ANKRD31: variants seen among roughly 807,000 people sequenced by gnomAD.
ANKRD31 encodes ankyrin repeat domain-containing protein 31.
A neutral mutation model predicts 186.0 loss-of-function variants in ANKRD31; 147 were observed. That is an observed-to-expected ratio of 0.79 (90% CI 0.69 to 0.91). The LOEUF (loss-of-function observed/expected upper bound fraction) is 0.91, where lower values mean the gene tolerates loss of function less well. ANKRD31 is among the 40% of genes least tolerant of loss of function. The pLI, the probability that ANKRD31 is intolerant of heterozygous loss-of-function variation, is 0.00. For missense variants in ANKRD31, 1,986 were observed against 2,148.8 expected, an observed-to-expected ratio of 0.92 and a Z score of 1.50; for synonymous variants, 673 against 736.4, an observed-to-expected ratio of 0.91 and a Z score of 1.39.
intron 25 of ANKRD31, among the ~76,000 whole-genome samples, chr5:75,077,493 C>T (rs1744739167): frequency 6.6e-6 from 1 of 151,702 alleles, no homozygotes; most frequent in Non-Finnish European, 1.5e-5. Flanking sequence ...TAAGCCCTCA[C>T]TCTTTGGGGG....
chr5:75,195,996 CA>C lies in ANKRD31; in HGVS notation c.651del (p.Glu218LysfsTer7). 3 of 1,531,904 alleles carry C rather than the reference CA, an allele frequency of 2.0e-6. No individual in the cohort carries two copies. Among genetic ancestry groups the C allele is most frequent in the Non-Finnish European group, 2.6e-6 (3 of 1,144,914 alleles). The allele number at this position is 1,531,904 out of a possible 1,614,324, so 94.9% of individuals were successfully genotyped here. On this transcript the variant is annotated frameshift_variant, in exon 7 of 26. Coordinates refer to ENST00000506364, the MANE Select transcript of ANKRD31 (RefSeq NM_001372053.1). LOFTEE classifies it high-confidence loss of function. ...CTTTCTAAGGCAGACACAAAGGTTT[CA>C]AGAGAGCTTTCTTCATCCTTAGTTT... ...SEETKDEESS[L>X]ETFVSALESL...
At chr5:75,140,224 A>T (rs1750910723) in intron 15 of ANKRD31, among the ~76,000 whole-genome samples, 1 of 112,698 alleles carries the variant, frequency 8.9e-6, no homozygotes. Context: ...AAAGAAAAGA[A>T]AAGAAAGAAA....
chr5:75,072,247 C>T (rs1744294065), intron 25 of ANKRD31, among the ~76,000 whole-genome samples: 2 of 152,122 alleles, frequency 1.3e-5, no homozygotes, highest in African/African-American at 4.8e-5. Flanking sequence ...GACTTCTTTG[C>T]AGCTAGGTGT....
At chr5:75,219,518 A>G (rs1279893057) in intron 3 of ANKRD31, among the ~76,000 whole-genome samples, 2 of 152,224 alleles carry the variant, frequency 1.3e-5, no homozygotes, top group Non-Finnish European at 2.9e-5. Context: ...ATCATAGGTG[A>G]CACAAATAGA....
chr5:75,235,785 TTC>T (rs776026227), intron 1 of ANKRD31, among the ~76,000 whole-genome samples: 2 of 152,206 alleles, frequency 1.3e-5, no homozygotes, highest in African/African-American at 4.8e-5. Context: ...TCCCCCTTTT[TTC>T]TCTCTTTTCT....
intron 20 of ANKRD31, 103 bp downstream of exon 20, chr5:75,112,410 C>A: frequency 1.5e-6 from 1 of 682,828 alleles, no homozygotes. Context: ...AAAAATAGAA[C>A]ACCACTTTTT....
chr5:75,175,801 C>T (rs565661089), intron 10 of ANKRD31, among the ~76,000 whole-genome samples: 41 of 152,172 alleles, frequency 2.7e-4, no homozygotes, highest in Admixed American at 9.2e-4. Flanking sequence ...CAGCTCCCAG[C>T]GTGAGCGATG....
intron 3 of ANKRD31, among the ~76,000 whole-genome samples, chr5:75,215,230 C>A (rs1299912666): frequency 2.0e-5 from 3 of 152,164 alleles, no homozygotes; most frequent in Admixed American, 6.5e-5. Flanking sequence ...TTCAGGTCTT[C>A]AACTGATTAG....
chr5:75,098,103 C>T (rs1394597305), intron 22 of ANKRD31, among the ~76,000 whole-genome samples: 1 of 152,082 alleles, frequency 6.6e-6, no homozygotes, highest in Admixed American at 6.5e-5. Flanking sequence ...CGGCTCACTG[C>T]AAGCTCTGCC....
chr5:75,215,556 C>T (rs1285950190), intron 3 of ANKRD31, among the ~76,000 whole-genome samples: 1 of 151,940 alleles, frequency 6.6e-6, no homozygotes, highest in African/African-American at 2.4e-5. Context: ...TTTTATAAGA[C>T]CCAACAAAAA....
At chr5:75,107,282 G>A (rs1391422712) in intron 21 of ANKRD31, among the ~76,000 whole-genome samples, 1 of 151,964 alleles carries the variant, frequency 6.6e-6, no homozygotes, top group Admixed American at 6.5e-5. Context: ...CTCCACTGTA[G>A]ACAACTTTTT....
intron 25 of ANKRD31, among the ~76,000 whole-genome samples, chr5:75,078,906 A>T (rs369306557): frequency 6.6e-6 from 1 of 152,202 alleles, no homozygotes; most frequent in Non-Finnish European, 1.5e-5. Context: ...TTCAAGGGAA[A>T]ATGCCCCATA....
intron 17 of ANKRD31, among the ~76,000 whole-genome samples, chr5:75,124,955 C>A (rs1266706309): frequency 1.3e-5 from 2 of 152,102 alleles, no homozygotes; most frequent in Non-Finnish European, 1.5e-5. Flanking sequence ...CATTTGTACC[C>A]TTTAAATTTA....
intron 25 of ANKRD31, among the ~76,000 whole-genome samples, chr5:75,073,360 C>T (rs1207171742): frequency 6.6e-6 from 1 of 151,456 alleles, no homozygotes; most frequent in Non-Finnish European, 1.5e-5. Context: ...GGACCAGACA[C>T]ACTTCAAATA....
intron 6 of ANKRD31, among the ~76,000 whole-genome samples, chr5:75,197,084 G>A (rs574628994): frequency 2.2e-4 from 34 of 151,854 alleles, no homozygotes; most frequent in African/African-American, 8.2e-4. Flanking sequence ...GTACTTTTAG[G>A]AGAGATGGGG....
At chr5:75,075,897 A>G (rs905517633) in intron 25 of ANKRD31, among the ~76,000 whole-genome samples, 2 of 152,158 alleles carry the variant, frequency 1.3e-5, no homozygotes, top group Non-Finnish European at 2.9e-5. Context: ...TGTCCCATGG[A>G]AAGATATTTC....
At chr5:75,193,924 C>G (rs1482448184) in intron 7 of ANKRD31, among the ~76,000 whole-genome samples, 4 of 152,084 alleles carry the variant, frequency 2.6e-5, no homozygotes, top group Non-Finnish European at 5.9e-5. Flanking sequence ...TCTACAAAAA[C>G]ATTAGAAATG....
chr5:75,196,317 C>T, intron 6 of ANKRD31, 117 bp from the exon 7 acceptor site: 1 of 788,946 alleles, frequency 1.3e-6, no homozygotes, highest in East Asian at 3.1e-5. Flanking sequence ...AATTTATCAT[C>T]AACTTTCCTT....
In ANKRD31 at chr5:75,118,201, C is replaced by A. The variant is rs1030068041; in HGVS notation, c.3973G>T (p.Glu1325Ter). Reference protein sequence around the residue: ...LDEADDEKMKELLRSYGAIET... With the variant: ...LDEADDEKMK ...ATAGCACCATAAGATCTTAGTAATTCTTTCATTTTTTCATCATCTGCTTCA... is the reference window on the plus strand; with the variant it reads ...ATAGCACCATAAGATCTTAGTAATTATTTCATTTTTTCATCATCTGCTTCA... Residue 1325 changes from glutamate (E) to a stop codon, truncating the protein, a stop_gained, in exon 18 of 26, where the codon GAA (glutamate) becomes TAA (stop). Coordinates refer to ENST00000506364, the MANE Select transcript of ANKRD31 (RefSeq NM_001372053.1). LOFTEE classifies it high-confidence loss of function. 3.9e-6 allele frequency: 6 copies of A among 1,529,182 alleles called. No individual in the cohort carries two copies. The highest frequency in any genetic ancestry group is 1.4e-5 in the African/African-American group (1 of 72,678). 94.7% of individuals were successfully genotyped at this position (1,529,182 alleles called of 1,614,324 possible).
Sources: gnomAD v4.1 joint callset for allele counts (sites outside exome capture counted in the v4.1 genomes callset) on GRCh38, gnomAD v4.1.1 for gene constraint, MANE v1.5 for transcripts, NCBI Gene and HGNC (gene_info 2026-07-23, HGNC 2026-07-21) for gene names.